Variants in PRKCI observed in about 807,000 individuals in gnomAD.
PRKCI encodes the protein protein kinase C iota.
Under a neutral mutation model 84.0 loss-of-function variants are expected in PRKCI, and 43 were observed. That is an observed-to-expected ratio of 0.51 (90% CI 0.40 to 0.66). The LOEUF (loss-of-function observed/expected upper bound fraction) is 0.66. PRKCI is among the 30% of genes least tolerant of loss of function. The pLI is 0.00. For missense variants in PRKCI, 459 were observed against 745.6 expected (o/e 0.62, Z 4.48); for synonymous variants, 216 against 234.4 (o/e 0.92, Z 0.72).
At chr3:170,250,830 A>G (rs549408894) in intron 2 of PRKCI, among the ~76,000 whole-genome samples, 43 of 152,232 alleles carry the variant, frequency 2.8e-4, no homozygotes, top group African/African-American at 1.0e-3. Context: ...GAGAATTCCA[A>G]TTTCTCTATA....
intron 12 of PRKCI, among the ~76,000 whole-genome samples, chr3:170,290,160 T>G (rs1488967303): frequency 6.6e-6 from 1 of 152,158 alleles, no homozygotes; most frequent in East Asian, 1.9e-4. Flanking sequence ...AGGAAAGTGG[T>G]TAAGTTCTAG....
At chr3:170,225,783 A>G (rs1395873855) in intron 1 of PRKCI, among the ~76,000 whole-genome samples, 1 of 152,066 alleles carries the variant, frequency 6.6e-6, no homozygotes, top group East Asian at 1.9e-4. Flanking sequence ...TTTTAGTGAA[A>G]AAATTGCCCT....
intron 3 of PRKCI, among the ~76,000 whole-genome samples, chr3:170,260,936 A>T (rs904691707): frequency 6.6e-6 from 1 of 152,102 alleles, no homozygotes; most frequent in African/African-American, 2.4e-5. Flanking sequence ...GCTAACCATC[A>T]AAAGTCATGT....
intron 12 of PRKCI, among the ~76,000 whole-genome samples, chr3:170,289,373 AGG>A (rs1734479634): frequency 6.6e-6 from 1 of 152,242 alleles, no homozygotes; most frequent in South Asian, 2.1e-4. Flanking sequence ...TATATATAAC[AGG>A]GTGAAATTTG....
At chr3:170,262,829 TTTC>T (rs1228397011) in intron 3 of PRKCI, among the ~76,000 whole-genome samples, 58 of 132,482 alleles carry the variant, frequency 4.4e-4, no homozygotes, top group African/African-American at 1.4e-3. Flanking sequence ...TTTTTCTTTC[TTTC>T]TTTTTTTTTT....
chr3:170,270,468 C>G lies in PRKCI; in HGVS notation c.498C>G (p.Arg166=), dbSNP rs1214999505. 4 of 1,613,434 alleles carry G rather than the reference C, an allele frequency of 2.5e-6. No individual in the cohort carries two copies. Among genetic ancestry groups the G allele is most frequent in the Non-Finnish European group, 3.4e-6 (4 of 1,179,836 alleles). ...CAGACCGAATATGGGGACTTGGACG[C>G]CAAGGATATAAGTGCATCAACTGCA... ...ICTDRIWGLG[R]QGYKCINCKL... The change falls in exon 6 of 18, where the codon CGC becomes CGG. Residue 166 remains arginine (R), a synonymous_variant. Transcript: ENST00000295797.
chr3:170,243,036 A>G (rs1334510046), intron 2 of PRKCI, among the ~76,000 whole-genome samples: 1 of 152,134 alleles, frequency 6.6e-6, no homozygotes, highest in Non-Finnish European at 1.5e-5. Flanking sequence ...ATTTCACTTA[A>G]AAATAGATTT....
intron 1 of PRKCI, among the ~76,000 whole-genome samples, chr3:170,223,169 A>T (rs144546409): frequency 9.2e-5 from 14 of 152,260 alleles, no homozygotes; most frequent in African/African-American, 3.4e-4. Flanking sequence ...TGCTGTGGGG[A>T]TAGAAAACGG....
chr3:170,253,690 C>G (rs527754410), intron 2 of PRKCI, among the ~76,000 whole-genome samples: 2 of 152,190 alleles, frequency 1.3e-5, no homozygotes, highest in African/African-American at 4.8e-5. Context: ...ACTCAGGAGG[C>G]TGAGGCAAGA....
intron 6 of PRKCI, among the ~76,000 whole-genome samples, chr3:170,272,124 T>C (rs185421790): frequency 1.3e-5 from 2 of 152,154 alleles, no homozygotes; most frequent in Non-Finnish European, 2.9e-5. Context: ...CGTGAGCCAC[T>C]GCACTTGGCC....
intron 11 of PRKCI, among the ~76,000 whole-genome samples, chr3:170,283,442 A>C (rs1451758209): frequency 1.3e-5 from 2 of 152,218 alleles, no homozygotes; most frequent in Non-Finnish European, 2.9e-5. Flanking sequence ...CAAAAATTTC[A>C]TAAGAAGATA....
At position 170,275,268 on chromosome 3, in the gene PRKCI, A is replaced by T. The variant is rs1734088001; in HGVS notation, c.686A>T (p.Gln229Leu). The T allele has an allele frequency of 1.3e-6, 2 of 1,597,030 alleles. No individual in the cohort carries two copies. Among genetic ancestry groups the T allele is most frequent in the East Asian group, 4.5e-5 (2 of 44,208 alleles). The change falls in exon 8 of 18, where the codon CAA becomes CTA. Residue 229 changes from glutamine (Q) to leucine (L), a missense_variant. Gln to Leu is a moderately radical substitution (Grantham distance 113). Around this residue, in one of 2 missense-constraint regions of PRKCI, gnomAD observed 250 missense variants for 319.7 expected, o/e 0.78. Coordinates refer to ENST00000295797, the MANE Select transcript of PRKCI (RefSeq NM_002740.6). ...YNPSSHESLD[Q>L]VGEEKEAMNT... ...CCTTCAAGTCATGAGAGTTTGGATC[A>T]AGTTGGTGAAGAAAAAGAGGTAAGA...
At position 170,280,256 on chromosome 3, in the gene PRKCI, T is replaced by C. The variant is rs1181213074; in HGVS notation, c.735T>C (p.Ala245=). The C allele has an allele frequency of 1.2e-6, 2 of 1,612,094 alleles. No individual in the cohort carries two copies. The highest frequency in any genetic ancestry group is 2.2e-5 in the South Asian group (2 of 90,844). ...TGAACACCAGGGAAAGTGGCAAAGC[T>C]TCATCCAGTCTAGGTCTTCAGGATT... ...EAMNTRESGK[A]SSSLGLQDFD... The change falls in exon 9 of 18, where the codon GCT becomes GCC. Residue 245 remains alanine, a synonymous_variant. Coordinates refer to ENST00000295797, the MANE Select transcript of PRKCI (RefSeq NM_002740.6).
chr3:170,295,217 AAAAG>A (rs1734662151), intron 14 of PRKCI, among the ~76,000 whole-genome samples: 1 of 151,310 alleles, frequency 6.6e-6, no homozygotes, highest in Non-Finnish European at 1.5e-5. Context: ...TCTCAAAAAA[AAAAG>A]AAAAAAGAAA....
chr3:170,273,171 A>C, intron 6 of PRKCI, 115 bp from the exon 7 acceptor site: 1 of 810,936 alleles, frequency 1.2e-6, no homozygotes, highest in South Asian at 1.7e-5. Context: ...ATTCTCACTT[A>C]AGTTATATTC....
At position 170,300,683 on chromosome 3, in the gene PRKCI, ATTTTTTTTTT is replaced by A. The variant is rs201572419; in HGVS notation, c.1703+1584_1703+1593del. On this transcript the variant is annotated intron_variant, in intron 17 of 17. Transcript: ENST00000295797. ...GACTAGTCAACATTGATTGTCTTGA[ATTTTTTTTTT>A]TTTTTTTTTTACTGTCAACACTTCA... Among the ~76,000 whole-genome samples, 3 of 138,338 alleles carry A rather than the reference ATTTTTTTTTT, an allele frequency of 2.2e-5. No individual in the cohort carries two copies. The South Asian group carries it at 6.9e-4, about 32-fold the overall frequency. The allele number at this position is 138,338 out of a possible 152,430, so 90.8% of individuals were successfully genotyped here.
chr3:170,229,198 A>G (rs909778711), intron 1 of PRKCI, among the ~76,000 whole-genome samples: 2 of 152,224 alleles, frequency 1.3e-5, no homozygotes, highest in African/African-American at 2.4e-5. Context: ...TATTTTTCCA[A>G]TAAATGAGTT....
At position 170,280,417 on chromosome 3, in the gene PRKCI, A is replaced by G. The variant is rs372067451; in HGVS notation, c.882+14A>G. The G allele has an allele frequency of 6.3e-6, 10 of 1,592,594 alleles. No homozygotes were observed. Among genetic ancestry groups the G allele is most frequent in the Non-Finnish European group, 8.6e-6 (10 of 1,168,772 alleles). ...AATGATGATGAGGTAAGCACTGCAT[A>G]TTTTATTGCTTCTAAACTGCTTGAG... On this transcript the variant is annotated intron_variant, in intron 9 of 17. Coordinates refer to ENST00000295797, the MANE Select transcript of PRKCI (RefSeq NM_002740.6).
At chr3:170,252,599 T>C (rs933653160) in intron 2 of PRKCI, among the ~76,000 whole-genome samples, 3 of 152,074 alleles carry the variant, frequency 2.0e-5, no homozygotes, top group Admixed American at 6.6e-5. Flanking sequence ...TTTTACTTTT[T>C]CTAACCTTTT....
Sources: allele counts gnomAD v4.1 joint callset (sites outside exome capture counted in the v4.1 genomes callset), GRCh38; gene constraint gnomAD v4.1.1; regional missense constraint gnomAD v4.1.1; transcripts MANE v1.5; gene names NCBI Gene and HGNC (gene_info 2026-07-23, HGNC 2026-07-21).